DIAPH3: variants seen among roughly 807,000 people sequenced by gnomAD.
The protein encoded by DIAPH3 is diaphanous related formin 3.
In DIAPH3, 117 loss-of-function variants were observed where a neutral mutation model predicts 144.3. The observed-to-expected ratio is 0.81, with a 90% confidence interval of 0.70 to 0.95. The LOEUF is 0.95. Ranked by LOEUF, DIAPH3 falls within the 40% of genes least tolerant of loss-of-function variation. The pLI is 0.00. For missense variants in DIAPH3, 1,421 were observed against 1,412.7 expected (o/e 1.01, Z -0.09); for synonymous variants, 519 against 488.9 (o/e 1.06, Z -0.81).
At chr13:59,946,915 C>T (rs2048830240) in intron 17 of DIAPH3, among the ~76,000 whole-genome samples, 1 of 152,090 alleles carries the variant, frequency 6.6e-6, no homozygotes, top group South Asian at 2.1e-4. Flanking sequence ...CAGGGGTCAA[C>T]AACATTGTGT....
chr13:59,834,941 A>G (rs2041967341), intron 23 of DIAPH3, among the ~76,000 whole-genome samples: 1 of 151,734 alleles, frequency 6.6e-6, no homozygotes, highest in African/African-American at 2.4e-5. Flanking sequence ...ATCTGTGTTT[A>G]CATGCATTGA....
intron 15 of DIAPH3, 33 bp from the exon 16 acceptor site, chr13:59,971,193 G>T (rs1302850651): frequency 6.5e-7 from 1 of 1,543,340 alleles, no homozygotes; most frequent in Non-Finnish European, 8.8e-7. Flanking sequence ...ACATAACTAA[G>T]AACATATCTA....
chr13:59,992,857 A>G (rs548429016), intron 9 of DIAPH3, among the ~76,000 whole-genome samples: 6 of 151,674 alleles, frequency 4.0e-5, no homozygotes, highest in Non-Finnish European at 1.5e-5. Context: ...AAAAAAAAAA[A>G]AAAAAACACT....
intron 20 of DIAPH3, among the ~76,000 whole-genome samples, chr13:59,881,208 C>T (rs930254306): frequency 6.6e-6 from 1 of 151,656 alleles, no homozygotes; most frequent in African/African-American, 2.4e-5. Context: ...TTATCCTTAA[C>T]CATTGCAAAA....
At chr13:59,781,875 G>C (rs2038757881) in intron 25 of DIAPH3, among the ~76,000 whole-genome samples, 1 of 152,126 alleles carries the variant, frequency 6.6e-6, no homozygotes, top group Non-Finnish European at 1.5e-5. Context: ...AATGGGATTA[G>C]TGGCCTTATA....
chr13:60,142,394 G>T (rs2059442949), intron 1 of DIAPH3, among the ~76,000 whole-genome samples: 1 of 152,172 alleles, frequency 6.6e-6, no homozygotes, highest in African/African-American at 2.4e-5. Context: ...GAAAAACTCA[G>T]TTAATTCTAT....
chr13:60,008,769 T>C, intron 8 of DIAPH3, 120 bp from the exon 9 acceptor site: 1 of 727,852 alleles, frequency 1.4e-6, no homozygotes, highest in Non-Finnish European at 2.5e-6. Context: ...AGAAGTAGAT[T>C]ACTGAGTACA....
chr13:59,916,054 T>G (rs2047201845), intron 19 of DIAPH3, 101 bp downstream of exon 19: 5 of 978,882 alleles, frequency 5.1e-6, no homozygotes, highest in Non-Finnish European at 8.1e-6. Flanking sequence ...GATTTTCCAG[T>G]TGAATGATTT....
At chr13:59,933,991 G>C (rs1192564999) in intron 17 of DIAPH3, among the ~76,000 whole-genome samples, 1 of 151,986 alleles carries the variant, frequency 6.6e-6, no homozygotes, top group African/African-American at 2.4e-5. Flanking sequence ...GTACTAATCA[G>C]ATTGATTAAA....
intron 13 of DIAPH3, among the ~76,000 whole-genome samples, chr13:59,981,347 T>C (rs188242473): frequency 2.8e-4 from 42 of 151,378 alleles, no homozygotes; most frequent in African/African-American, 9.2e-4. Context: ...AGTGTTGGAG[T>C]TGACATGAGG....
At chr13:59,673,470 C>G (rs1429990073) in intron 27 of DIAPH3, among the ~76,000 whole-genome samples, 1 of 152,074 alleles carries the variant, frequency 6.6e-6, no homozygotes, top group African/African-American at 2.4e-5. Flanking sequence ...GCCTCTAAAG[C>G]CTTGGAATTT....
At position 60,131,623 on chromosome 13, in the gene DIAPH3, T is replaced by C. The variant is rs772204651; in HGVS notation, c.213+1334A>G. Reference sequence around the variant, plus strand: ...GTCAGAAAGTAGATTGGTGGTTGCCTAGAACTGAGGGAGTTGAGGGAAAAC... The same window carrying C: ...GTCAGAAAGTAGATTGGTGGTTGCCCAGAACTGAGGGAGTTGAGGGAAAAC... On this transcript the variant is annotated intron_variant, in intron 2 of 27. Transcript: ENST00000400324. Among the ~76,000 whole-genome samples, 57 of 152,022 alleles carry C rather than the reference T, an allele frequency of 3.7e-4. 1 individual carries two copies. The highest frequency in any genetic ancestry group is 6.3e-4 in the Non-Finnish European group (43 of 68,004).
Position 59,969,853 on chromosome 13 carries a change from A to G in DIAPH3, c.2074+91T>C, listed in dbSNP as rs2050254847. ...TGTAAAAATAACATGTACAGGATTC[A>G]TAAAATAATGTTTTCTGAAAATTGA... On this transcript the variant is annotated intron_variant, in intron 17 of 27. Transcript: ENST00000400324. 9.8e-6 allele frequency: 8 copies of G among 817,890 alleles called. No individual in the cohort carries two copies. In the South Asian group the frequency reaches 1.4e-4, roughly 14 times the overall value. 50.7% of individuals were successfully genotyped at this position (817,890 alleles called of 1,614,324 possible). A position where few individuals can be genotyped will look rare whatever the true frequency, so the allele number is the denominator to read the frequency against.
chr13:59,830,238 C>A (rs1233592389), intron 24 of DIAPH3, among the ~76,000 whole-genome samples: 3 of 151,702 alleles, frequency 2.0e-5, no homozygotes, highest in African/African-American at 7.3e-5. Context: ...TATTGCTACT[C>A]TGGACTTCAA....
intron 1 of DIAPH3, among the ~76,000 whole-genome samples, chr13:60,161,313 C>A (rs934255168): frequency 1.3e-5 from 2 of 152,206 alleles, no homozygotes; most frequent in Non-Finnish European, 2.9e-5. Context: ...CCTACAAGTA[C>A]AATTACTTTC....
chr13:60,146,714 C>T (rs919046465), intron 1 of DIAPH3, among the ~76,000 whole-genome samples: 1 of 152,182 alleles, frequency 6.6e-6, no homozygotes, highest in African/African-American at 2.4e-5. Context: ...CCAAAGGAGA[C>T]TTCAGCAATG....
chr13:59,874,466 A>C (rs185139309), intron 21 of DIAPH3, among the ~76,000 whole-genome samples: 1 of 152,296 alleles, frequency 6.6e-6, no homozygotes, highest in Admixed American at 6.5e-5. Context: ...ATCCAGAATC[A>C]GATAAAAAAT....
At chr13:59,870,698 T>A (rs1172188172) in intron 21 of DIAPH3, among the ~76,000 whole-genome samples, 1 of 151,690 alleles carries the variant, frequency 6.6e-6, no homozygotes, top group African/African-American at 2.4e-5. Context: ...GAGATGGAGT[T>A]TCACTCTTGT....
chr13:59,999,411 T>C (rs2052396127), intron 9 of DIAPH3, among the ~76,000 whole-genome samples: 1 of 152,162 alleles, frequency 6.6e-6, no homozygotes, highest in Non-Finnish European at 1.5e-5. Context: ...CTAATTAAAC[T>C]TAATGAAATC....
Sources: allele counts gnomAD v4.1 joint callset (sites outside exome capture counted in the v4.1 genomes callset), GRCh38; gene constraint gnomAD v4.1.1; transcripts MANE v1.5; gene names NCBI Gene and HGNC (gene_info 2026-07-23, HGNC 2026-07-21).